The following ZNG1A variants were observed in gnomAD, a reference collection of about 807,000 sequenced individuals.
ZNG1A encodes the protein Zn regulated GTPase metalloprotein activator 1A.
At chr9:147,952 G>C in the ZNG1A span, 1 of 151,578 alleles carries the variant, frequency 6.6e-6, no homozygotes, top group Non-Finnish European at 1.5e-5. Context: ...CTGAACCCAG[G>C]AGGCAGAGGT....
At chr9:153,579 AT>A in the ZNG1A span, 65 of 151,650 alleles carry the variant, frequency 4.3e-4, no homozygotes, top group African/African-American at 1.5e-3. Context: ...ACCCAAGCAG[AT>A]TCCAAGGTCT....
chr9:145,774 G>A, the ZNG1A span, among the ~76,000 whole-genome samples: 1 of 151,870 alleles, frequency 6.6e-6, no homozygotes, highest in Non-Finnish European at 1.5e-5. Context: ...AGTTATTTGT[G>A]TGAAAACGCT....
the ZNG1A span, among the ~76,000 whole-genome samples, chr9:128,382 C>G: frequency 6.6e-6 from 1 of 151,644 alleles, no homozygotes; most frequent in African/African-American, 2.4e-5. Context: ...TTTTCTTATT[C>G]TTTTTTCTTT....
chr9:170,122 C>T, the ZNG1A span, among the ~76,000 whole-genome samples: 2 of 145,854 alleles, frequency 1.4e-5, no homozygotes, highest in Admixed American at 6.8e-5. Context: ...CCCACAATAT[C>T]CCTGCGGTAT....
chr9:149,256 A>G, the ZNG1A span: 1 of 151,618 alleles, frequency 6.6e-6, no homozygotes, highest in East Asian at 1.9e-4. Flanking sequence ...TCCCTACAGA[A>G]GAAAATCCAA....
the ZNG1A span, among the ~76,000 whole-genome samples, chr9:160,622 G>T: frequency 6.6e-6 from 1 of 151,558 alleles, no homozygotes; most frequent in East Asian, 1.9e-4. Flanking sequence ...CCATCATGCT[G>T]ATAATAGATT....
chr9:137,625 G>C, the ZNG1A span, among the ~76,000 whole-genome samples: 1 of 150,600 alleles, frequency 6.6e-6, no homozygotes, highest in Non-Finnish European at 1.5e-5. Flanking sequence ...GTTAGGATGG[G>C]CTAGACTTCT....
At chr9:131,745 C>G in the ZNG1A span, among the ~76,000 whole-genome samples, 2 of 149,104 alleles carry the variant, frequency 1.3e-5, no homozygotes, top group Non-Finnish European at 2.9e-5. Flanking sequence ...CATTTCTAGT[C>G]TCACTGTAAC....
At chr9:178,947 G>A in the ZNG1A span, 31,957 of 1,075,100 alleles carry the variant, frequency 0.03, 11,303 homozygotes, top group Middle Eastern at 0.067. Flanking sequence ...CTCCTCATCC[G>A]CAGATCCAAC....
chr9:176,061 C>G, the ZNG1A span, among the ~76,000 whole-genome samples: 25 of 148,976 alleles, frequency 1.7e-4, no homozygotes, highest in African/African-American at 6.1e-4. Context: ...TACACACAAT[C>G]TTTTATTTAT....
At chr9:144,476 G>C in the ZNG1A span, among the ~76,000 whole-genome samples, 1 of 151,948 alleles carries the variant, frequency 6.6e-6, no homozygotes, top group Non-Finnish European at 1.5e-5. Context: ...ATGGTGCTGG[G>C]AAAACTGGCT....
At chr9:156,616 T>C in the ZNG1A span, 2 of 1,309,428 alleles carry the variant, frequency 1.5e-6, no homozygotes, top group Non-Finnish European at 2.1e-6. Context: ...AGACATTTTC[T>C]TGCATCTAAT....
chr9:177,962 C>G, the ZNG1A span: 10 of 694,154 alleles, frequency 1.4e-5, 1 homozygote, highest in Admixed American at 2.8e-4. Flanking sequence ...CGAAGTGGCC[C>G]AAGTCTGTAC....
the ZNG1A span, among the ~76,000 whole-genome samples, chr9:141,944 A>C: frequency 6.6e-6 from 1 of 151,072 alleles, no homozygotes; most frequent in Non-Finnish European, 1.5e-5. Context: ...AGAGACAAAG[A>C]AGGCCATTAC....
chr9:172,379 A>C, the ZNG1A span: 1 of 550,358 alleles, frequency 1.8e-6, no homozygotes, highest in Non-Finnish European at 3.2e-6. Flanking sequence ...ATAGGTAAAA[A>C]GAAATCATAT....
chr9:131,932 G>A, the ZNG1A span, among the ~76,000 whole-genome samples: 1 of 137,160 alleles, frequency 7.3e-6, no homozygotes, highest in African/African-American at 2.9e-5. Flanking sequence ...TAAGACTTCT[G>A]TACCAGACAC....
the ZNG1A span, chr9:149,263 C>T: frequency 1.3e-5 from 2 of 151,552 alleles, no homozygotes; most frequent in East Asian, 3.9e-4. Flanking sequence ...AGAAGAAAAT[C>T]CAAACTATGT....
At chr9:171,281 C>T in the ZNG1A span, among the ~76,000 whole-genome samples, 9 of 152,142 alleles carry the variant, frequency 5.9e-5, no homozygotes, top group East Asian at 1.7e-3. Context: ...GAGTAAATTA[C>T]CCCCAAATAC....
the ZNG1A span, among the ~76,000 whole-genome samples, chr9:145,466 C>T: frequency 6.8e-6 from 1 of 147,118 alleles, no homozygotes; most frequent in African/African-American, 2.5e-5. Flanking sequence ...CCAAACACCG[C>T]ATATTCTCAC....
Sources: allele counts gnomAD v4.1 joint callset (sites outside exome capture counted in the v4.1 genomes callset), GRCh38; gene constraint gnomAD v4.1.1; transcripts MANE v1.5; gene names NCBI Gene and HGNC (gene_info 2026-07-23, HGNC 2026-07-21).